The following AGO1 variants were observed in gnomAD, a reference collection of about 807,000 sequenced individuals.
The protein encoded by AGO1 is argonaute RISC component 1.
In AGO1, 11 loss-of-function variants were observed where a neutral mutation model predicts 109.2. That is an observed-to-expected ratio of 0.10 (90% CI 0.06 to 0.17). The LOEUF is 0.17. AGO1 is among the 10% of genes least tolerant of loss of function. AGO1 has a pLI of 1.00. For missense variants in AGO1, 574 were observed against 1,140.3 expected (o/e 0.50, Z 7.15); for synonymous variants, 422 against 418.6 (o/e 1.01, Z -0.10).
chr1:35,919,779 C>G lies in AGO1; in HGVS notation c.*172C>G. On this transcript the variant is annotated 3_prime_UTR_variant, in exon 19 of 19. Transcript: ENST00000373204. The surrounding 1 kb of genome is among the most constrained non-coding windows in gnomAD (Gnocchi z 6.6). ...AGAGTGGGGAACAGGGCCAGCAAGA[C>G]AGACCACCAGCCAGAAATCTCTGAT... 1 of 594,926 alleles carries G rather than the reference C, an allele frequency of 1.7e-6. No individual in the cohort carries two copies. The highest frequency in any genetic ancestry group is 2.9e-6 in the Non-Finnish European group (1 of 339,872). The allele number at this position is 594,926 out of a possible 1,614,324, so 36.9% of individuals were successfully genotyped here. A position where few individuals can be genotyped will look rare whatever the true frequency, so the allele number is the denominator to read the frequency against.
At chr1:35,876,607 A>G (rs2148703833) in intron 1 of AGO1, among the ~76,000 whole-genome samples, 1 of 152,268 alleles carries the variant, frequency 6.6e-6, no homozygotes, top group African/African-American at 2.4e-5. Context: ...TGATTTCTTG[A>G]GGTGAAATTG....
At chr1:35,890,748 A>G (rs935404985) in intron 2 of AGO1, among the ~76,000 whole-genome samples, 30 of 152,178 alleles carry the variant, frequency 2.0e-4, no homozygotes, top group African/African-American at 7.2e-4. Context: ...GTATCAACTT[A>G]TACTCCCATC....
chr1:35,905,207 T>C (rs1645497427), intron 11 of AGO1, among the ~76,000 whole-genome samples: 2 of 152,340 alleles, frequency 1.3e-5, no homozygotes, highest in South Asian at 4.1e-4. Context: ...GGTAACATAC[T>C]GGCTTTTTAA....
In AGO1 at chr1:35,895,303, A is replaced by C. The variant is rs771651689; in HGVS notation, c.1020+34A>C. ...GCCAAGTAATGGCTGGGGAATAGGC[A>C]TTGTATATACCTGCATGCTGATCAT... On this transcript the variant is annotated intron_variant, in intron 8 of 18. Coordinates refer to ENST00000373204, the MANE Select transcript of AGO1 (RefSeq NM_012199.5). 7.5e-6 allele frequency: 12 copies of C among 1,600,886 alleles called. No homozygotes were observed. In the South Asian group the frequency reaches 1.3e-4, roughly 18 times the overall value.
In AGO1 at chr1:35,913,957, T is replaced by C. The variant is rs139495925; in HGVS notation, c.1698T>C (p.Asn566=). Residue 566 remains asparagine, a synonymous_variant, in exon 13 of 19, where the codon AAT becomes AAC. Transcript: ENST00000373204. ...TGTCCAACCTCTGCCTCAAGATCAATGTCAAACTTGGTGGCATTAACAACA... is the reference window on the plus strand; with the variant it reads ...TGTCCAACCTCTGCCTCAAGATCAACGTCAAACTTGGTGGCATTAACAACA... ...QTLSNLCLKI[N]VKLGGINNIL... is the part of the protein sequence containing the mutation. The C allele has an allele frequency of 1.0e-4, 165 of 1,614,004 alleles. No individual in the cohort carries two copies. The Middle Eastern group carries it at 2.5e-3, about 24-fold the overall frequency.
chr1:35,894,017 T>C lies in AGO1; in HGVS notation c.650-20T>C, dbSNP rs201994152. On this transcript the variant is annotated intron_variant, in intron 5 of 18. Transcript: ENST00000373204. The stretch of plus-strand genomic sequence containing the variant: ...GGAAGACAGAACCTGAGCTGAGCTA[T>C]CTTTACCCTGTCCCCACAGTCTCAG... 6.8e-4 allele frequency: 1,048 copies of C among 1,535,408 alleles called. 3 individuals carry two copies. Among genetic ancestry groups the C allele is most frequent in the Non-Finnish European group, 8.2e-4 (940 of 1,142,948 alleles).
chr1:35,904,968 TGA>T (rs954204513), intron 11 of AGO1, among the ~76,000 whole-genome samples: 7 of 152,126 alleles, frequency 4.6e-5, no homozygotes, highest in African/African-American at 1.7e-4. Flanking sequence ...GGATGATGGA[TGA>T]GAGAGTTCTA....
rs1362587577 is a variant in AGO1 at position 35,925,814 on chromosome 1, T to G, written c.*6207T>G. On this transcript the variant is annotated 3_prime_UTR_variant, in exon 19 of 19. Transcript: ENST00000373204. ...AGCATGTAAATTCTGGCATTCTTCC[T>G]GGTACTGCTAGAGCATTGTTATTTC... 1 of 152,236 alleles carries G rather than the reference T, an allele frequency of 6.6e-6. No homozygotes were observed. The highest frequency in any genetic ancestry group is 6.5e-5 in the Admixed American group (1 of 15,284). 9.4% of individuals were successfully genotyped at this position (152,236 alleles called of 1,614,324 possible).
rs778473881 is a variant in AGO1, at chr1:35,919,592, C to T, written c.2559C>T (p.Thr853=). 6.2e-6 allele frequency: 10 copies of T among 1,613,806 alleles called. No homozygotes were observed. The highest frequency in any genetic ancestry group is 8.5e-6 in the Non-Finnish European group (10 of 1,179,786). The change falls in exon 19 of 19, where the codon ACC becomes ACT. Residue 853 remains threonine (T), a synonymous_variant. Transcript: ENST00000373204. This position sits in a 1 kb window ranked among gnomAD's most constrained non-coding sequence, Gnocchi z 6.6. ...AVQVHQDTLR[T]MYFA ...AGGTTCACCAGGATACTCTGCGCAC[C>T]ATGTACTTCGCTTGAAGGCAGAACG...
At chr1:35,915,600 A>G (rs1645720600) in intron 15 of AGO1, 58 bp downstream of exon 15, 2 of 1,509,616 alleles carry the variant, frequency 1.3e-6, no homozygotes, top group African/African-American at 1.4e-5. Flanking sequence ...GCTAGGTGCT[A>G]CTACCTTTTC....
intron 15 of AGO1, 40 bp downstream of exon 15, chr1:35,915,582 G>T: frequency 6.3e-7 from 1 of 1,579,642 alleles, no homozygotes; most frequent in Non-Finnish European, 8.7e-7. Context: ...TCACATCATG[G>T]CTGGAAAGCT....
intron 17 of AGO1, 111 bp from the exon 18 acceptor site, chr1:35,918,944 G>T: frequency 1.0e-6 from 1 of 986,088 alleles, no homozygotes; most frequent in Non-Finnish European, 1.6e-6. Context: ...GCATCTGCCT[G>T]TTCATGGGTG....
chr1:35,895,354 G>A (rs1159281915), intron 8 of AGO1, 85 bp downstream of exon 8: 4 of 1,444,774 alleles, frequency 2.8e-6, no homozygotes, highest in South Asian at 1.4e-5. Context: ...TCATTTTGAA[G>A]TTTGGAAAAC....
intron 1 of AGO1, among the ~76,000 whole-genome samples, chr1:35,873,015 G>A (rs942398207): frequency 6.6e-6 from 1 of 151,202 alleles, no homozygotes; most frequent in African/African-American, 2.4e-5. Context: ...AGCTTCCCAA[G>A]TAGCTAAGAT....
chr1:35,915,283 C>T, intron 14 of AGO1, 65 bp from the exon 15 acceptor site: 1 of 1,480,354 alleles, frequency 6.8e-7, no homozygotes, highest in Non-Finnish European at 9.3e-7. Context: ...AGCCTTTCCA[C>T]AAACCCATAG....
At chr1:35,872,744 T>A (rs1318630961) in intron 1 of AGO1, among the ~76,000 whole-genome samples, 1 of 151,958 alleles carries the variant, frequency 6.6e-6, no homozygotes, top group African/African-American at 2.4e-5. Flanking sequence ...GCTAATTTTT[T>A]AATTTTTTTG....
intron 11 of AGO1, among the ~76,000 whole-genome samples, chr1:35,903,321 G>C (rs939920256): frequency 2.0e-5 from 3 of 147,046 alleles, no homozygotes; most frequent in Non-Finnish European, 4.5e-5. Flanking sequence ...TTTTTTTTAA[G>C]TTTTATTGAG....
intron 12 of AGO1, among the ~76,000 whole-genome samples, chr1:35,912,360 G>GAAAAAAAAAAA (rs753525049): frequency 2.5e-5 from 1 of 40,612 alleles, no homozygotes; most frequent in African/African-American, 7.8e-5. Context: ...CTCTGTCTCA[G>GAAAAAAAAAAA]AAAAAAAAAA....
intron 12 of AGO1, among the ~76,000 whole-genome samples, chr1:35,910,111 T>C (rs1328694846): frequency 6.8e-6 from 1 of 147,064 alleles, no homozygotes; most frequent in African/African-American, 2.5e-5. Flanking sequence ...TGGTACTCTT[T>C]TCTGCTGGCT....
Sources: gnomAD v4.1 joint callset for allele counts (sites outside exome capture counted in the v4.1 genomes callset) on GRCh38, gnomAD v4.1.1 for gene constraint, Gnocchi (gnomAD v3.1) non-coding constraint, MANE v1.5 for transcripts, NCBI Gene and HGNC (gene_info 2026-07-23, HGNC 2026-07-21) for gene names.